RIPOR2: variants seen among roughly 807,000 people sequenced by gnomAD.
The protein encoded by RIPOR2 is RHO family interacting cell polarization regulator 2.
In RIPOR2, 39 loss-of-function variants were observed where a neutral mutation model predicts 114.5. That is an observed-to-expected ratio of 0.34 (90% confidence interval 0.26 to 0.44). The LOEUF (loss-of-function observed/expected upper bound fraction) is 0.44. RIPOR2 is among the 20% of genes least tolerant of loss of function. The pLI is 1.00. For synonymous variants in RIPOR2, 445 were observed against 484.4 expected, an observed-to-expected ratio of 0.92 and a Z score of 1.07; for missense variants, 1,007 against 1,255.1, an observed-to-expected ratio of 0.80 and a Z score of 2.99.
chr6:25,001,857 G>A (rs947411280), intron 1 of RIPOR2, among the ~76,000 whole-genome samples: 6 of 151,388 alleles, frequency 4.0e-5, no homozygotes, highest in African/African-American at 1.5e-4. Context: ...GTGCCACCAT[G>A]CCTGGCTATT....
intron 19 of RIPOR2, among the ~76,000 whole-genome samples, chr6:24,823,133 A>G (rs1352223293): frequency 1.3e-5 from 2 of 152,240 alleles, no homozygotes; most frequent in Non-Finnish European, 2.9e-5. Context: ...ATTTTGTCTC[A>G]ATAGCTATGA....
At chr6:24,825,900 T>C (rs970341437) in intron 18 of RIPOR2, among the ~76,000 whole-genome samples, 3 of 149,694 alleles carry the variant, frequency 2.0e-5, no homozygotes, top group Admixed American at 1.4e-4. Context: ...ATCTATCTAT[T>C]TATTTATTTA....
chr6:24,841,937 G>T (rs959263875), intron 13 of RIPOR2, among the ~76,000 whole-genome samples: 2 of 152,104 alleles, frequency 1.3e-5, no homozygotes, highest in South Asian at 4.1e-4. Context: ...GTCTTAGAAA[G>T]GGATGCAACA....
At chr6:24,922,082 C>T (rs911860497) in intron 1 of RIPOR2, among the ~76,000 whole-genome samples, 4 of 152,020 alleles carry the variant, frequency 2.6e-5, no homozygotes, top group Admixed American at 6.6e-5. Context: ...CCGTCCTCCT[C>T]GGCCTCCCAA....
chr6:24,833,894 G>A lies in RIPOR2; in HGVS notation c.2209-1503C>T, dbSNP rs1028873984. Among the ~76,000 whole-genome samples the A allele has an allele frequency of 3.9e-5, 6 of 152,018 alleles. No individual in the cohort carries two copies. The East Asian group carries it at 1.2e-3, about 29-fold the overall frequency. On this transcript the variant is annotated intron_variant, in intron 15 of 21. Transcript: ENST00000643898. ...AAAGCATGCCAATTAGTCTTTGCGA[G>A]AAAACAGTCACTCCTTCAAAGATAA...
chr6:24,961,889 A>T (rs1186679553), intron 1 of RIPOR2, among the ~76,000 whole-genome samples: 1 of 152,138 alleles, frequency 6.6e-6, no homozygotes. Context: ...GGCCTCCCAA[A>T]GTGCTGGGAT....
At chr6:25,035,755 C>T (rs116157100) in intron 1 of RIPOR2, among the ~76,000 whole-genome samples, 1,771 of 152,288 alleles carry the variant, frequency 0.012, 14 homozygotes, top group Admixed American at 0.03. Context: ...GATCTCTCTG[C>T]AAGCAGGGGC....
intron 1 of RIPOR2, among the ~76,000 whole-genome samples, chr6:24,994,932 G>A (rs1774983249): frequency 6.6e-6 from 1 of 152,160 alleles, no homozygotes; most frequent in Admixed American, 6.5e-5. Flanking sequence ...CTCACATTTT[G>A]TTTAGACATT....
At chr6:24,852,929 A>G (rs1034147765) in intron 8 of RIPOR2, among the ~76,000 whole-genome samples, 4 of 152,216 alleles carry the variant, frequency 2.6e-5, no homozygotes, top group Non-Finnish European at 5.9e-5. Flanking sequence ...GGGTTAGGGT[A>G]TTAGGGCCAG....
At chr6:24,934,927 G>A (rs923714991) in intron 1 of RIPOR2, among the ~76,000 whole-genome samples, 2 of 152,178 alleles carry the variant, frequency 1.3e-5, no homozygotes, top group African/African-American at 4.8e-5. Context: ...AAGCTACCAG[G>A]GCTCCAGTAT....
chr6:24,855,456 G>A (rs1763373470), intron 8 of RIPOR2, among the ~76,000 whole-genome samples: 1 of 151,878 alleles, frequency 6.6e-6, no homozygotes, highest in South Asian at 2.1e-4. Flanking sequence ...AAGAAGACAC[G>A]AACAATTCCT....
intron 6 of RIPOR2, among the ~76,000 whole-genome samples, chr6:24,866,447 T>A (rs138809588): frequency 6.6e-6 from 1 of 151,882 alleles, no homozygotes; most frequent in African/African-American, 2.4e-5. Flanking sequence ...CTGCTAAACA[T>A]CCTATAATGC....
chr6:24,953,608 C>A (rs538803518), intron 1 of RIPOR2, among the ~76,000 whole-genome samples: 1 of 152,164 alleles, frequency 6.6e-6, no homozygotes, highest in African/African-American at 2.4e-5. Context: ...GCAAGAAGGT[C>A]GCTCTCACCT....
At chr6:24,879,358 G>A (rs1424276487) in intron 1 of RIPOR2, among the ~76,000 whole-genome samples, 2 of 152,138 alleles carry the variant, frequency 1.3e-5, no homozygotes, top group Admixed American at 1.3e-4. Flanking sequence ...AAAAAGAACC[G>A]AGAAACTTTT....
intron 1 of RIPOR2, among the ~76,000 whole-genome samples, chr6:25,010,446 C>T (rs1775732347): frequency 6.6e-6 from 1 of 152,194 alleles, no homozygotes; most frequent in African/African-American, 2.4e-5. Context: ...CGTGTACAGC[C>T]TGCGGAACCA....
At position 24,806,425 on chromosome 6, in the gene RIPOR2, T is replaced by A; in HGVS notation, c.3092A>T (p.Asp1031Val). The A allele has an allele frequency of 6.4e-7, 1 of 1,551,808 alleles. No individual in the cohort carries two copies. Among genetic ancestry groups the A allele is most frequent in the Middle Eastern group, 1.7e-4 (1 of 5,994 alleles). The change falls in exon 22 of 22, where the codon GAC becomes GTC. Residue 1031 changes from aspartate (D) to valine (V), a missense_variant. Asp to Val is a radical substitution (Grantham distance 152). Coordinates refer to ENST00000643898, the MANE Select transcript of RIPOR2 (RefSeq NM_001286445.3). ...AYEQLDKFPR[D>V]CVKVGGRHGT... ...ATGACGACCTCCGACTTTAACACAG[T>A]CTCGAGGAAATTTGTCCAATTGTTC... is the stretch of plus-strand genomic sequence containing the variant.
intron 1 of RIPOR2, among the ~76,000 whole-genome samples, chr6:24,914,260 CAA>C (rs1235338201): frequency 4.6e-5 from 7 of 152,124 alleles, no homozygotes; most frequent in African/African-American, 1.7e-4. Context: ...CACTTCAACC[CAA>C]GAGGCGGAGG....
Position 24,858,513 on chromosome 6 carries a change from G to T in RIPOR2, c.715+2460C>A, listed in dbSNP as rs1287796480. On this transcript the variant is annotated intron_variant, in intron 8 of 21. Transcript: ENST00000643898. The surrounding 1 kb of genome is among the most constrained non-coding windows in gnomAD (Gnocchi z 4.0). ...ATTGCAAAGACAATAGGATTTCTTG[G>T]CAGCATGAGGTTTCCCTTTCTCTTT... Among the ~76,000 whole-genome samples the T allele has an allele frequency of 1.3e-5, 2 of 152,158 alleles. No homozygotes were observed. The highest frequency in any genetic ancestry group is 4.1e-4 in the South Asian group (2 of 4,832).
chr6:24,808,042 G>A (rs1443128978), intron 21 of RIPOR2, among the ~76,000 whole-genome samples: 1 of 152,150 alleles, frequency 6.6e-6, no homozygotes, highest in African/African-American at 2.4e-5. Flanking sequence ...TGATGCCAAG[G>A]AACACTTAGA....
Sources: allele counts gnomAD v4.1 joint callset (sites outside exome capture counted in the v4.1 genomes callset), GRCh38; gene constraint gnomAD v4.1.1; non-coding constraint Gnocchi (gnomAD v3.1); transcripts MANE v1.5; gene names NCBI Gene and HGNC (gene_info 2026-07-23, HGNC 2026-07-21).